The following SPIRE2 variants were observed in gnomAD, a reference collection of about 807,000 sequenced individuals.
SPIRE2 encodes the protein spire type actin nucleation factor 2.
Under a neutral mutation model 80.7 loss-of-function variants are expected in SPIRE2, and 76 were observed. The observed-to-expected ratio is 0.94, with a 90% CI of 0.78 to 1.14. The LOEUF is 1.14. Ranked by LOEUF, SPIRE2 falls within the 50% of genes most tolerant of loss-of-function variation. The probability of loss-of-function intolerance (pLI) is 0.00; values close to 1 mark genes in which losing one functional copy is unlikely to be tolerated. For synonymous variants in SPIRE2, 535 were observed against 432.6 expected, an observed-to-expected ratio of 1.24 and a Z score of -2.94; for missense variants, 1,196 against 1,015.3, an observed-to-expected ratio of 1.18 and a Z score of -2.42.
chr16:89,869,958 A>C (rs2041824870), intron 14 of SPIRE2, 92 bp from the exon 15 acceptor site: 1 of 1,150,198 alleles, frequency 8.7e-7, no homozygotes, highest in Non-Finnish European at 1.2e-6. Flanking sequence ...GGTGAAAGGC[A>C]GCCAGGAGGG....
chr16:89,838,531 CCAGGGAAGCT>C (rs1254395339), intron 1 of SPIRE2, among the ~76,000 whole-genome samples: 4 of 152,066 alleles, frequency 2.6e-5, no homozygotes, highest in Non-Finnish European at 5.9e-5. Context: ...TCAGCGGGAA[CCAGGGAAGCT>C]CAGGGAAGCA....
chr16:89,863,199 C>A lies in SPIRE2; in HGVS notation c.1576-277C>A. The A allele has an allele frequency of 2.0e-6, 1 of 490,242 alleles. No individual in the cohort carries two copies. The highest frequency in any genetic ancestry group is 3.7e-6 in the Non-Finnish European group (1 of 269,204). 30.4% of individuals were successfully genotyped at this position (490,242 alleles called of 1,614,324 possible). ...TGTTTGCAGGCAGGGACACCTTGAA[C>A]AGACATGGGCTGAGGGGAGTTTGTG... On this transcript the variant is annotated intron_variant, in intron 10 of 14. Transcript: ENST00000378247. The surrounding 1 kb of genome is among the most constrained non-coding windows in gnomAD (Gnocchi z 4.3).
intron 10 of SPIRE2, 94 bp downstream of exon 10, chr16:89,860,889 G>A: frequency 1.3e-6 from 1 of 763,990 alleles, no homozygotes; most frequent in Non-Finnish European, 2.0e-6. Flanking sequence ...ATGGGTCTGA[G>A]CACCTGTCTG....
Position 89,830,034 on chromosome 16 carries a change from T to C in SPIRE2, c.244+1240T>C, listed in dbSNP as rs183103294. ...AGGAGGAGGCTGTAGGCAGCCTGGT[T>C]CGTCTGACCCTCTGACTGTAAAGAT... On this transcript the variant is annotated intron_variant, in intron 1 of 14. Transcript: ENST00000378247. Among the ~76,000 whole-genome samples, 176 of 151,404 alleles carry C rather than the reference T, an allele frequency of 1.2e-3. 4 individuals are homozygous for C. Among genetic ancestry groups the C allele is most frequent in the African/African-American group, 3.7e-3 (155 of 41,476 alleles).
chr16:89,869,059 T>A (rs866094278), intron 13 of SPIRE2, among the ~76,000 whole-genome samples: 700 of 45,306 alleles, frequency 0.015, 23 homozygotes, highest in African/African-American at 0.054. Context: ...AAAAAATATA[T>A]ATATATATAT....
chr16:89,840,342 C>T (rs1029627324), intron 1 of SPIRE2, among the ~76,000 whole-genome samples: 6 of 151,100 alleles, frequency 4.0e-5, no homozygotes, highest in Non-Finnish European at 8.9e-5. Flanking sequence ...CTCCACCTCC[C>T]GGGTTCACAT....
intron 1 of SPIRE2, among the ~76,000 whole-genome samples, chr16:89,840,096 C>T (rs140599368): frequency 6.6e-6 from 1 of 152,098 alleles, no homozygotes; most frequent in Non-Finnish European, 1.5e-5. Context: ...GCTGACGCTC[C>T]CAAGCAGATG....
chr16:89,837,021 G>A (rs781000372), intron 1 of SPIRE2, among the ~76,000 whole-genome samples: 2 of 152,052 alleles, frequency 1.3e-5, no homozygotes, highest in African/African-American at 2.4e-5. Context: ...CTGCACCCCA[G>A]ATTCCTGTTC....
In SPIRE2 at chr16:89,860,774, C is replaced by T. The variant is rs780265170; in HGVS notation, c.1554C>T (p.Pro518=). 6 of 1,544,548 alleles carry T rather than the reference C, an allele frequency of 3.9e-6. No individual in the cohort carries two copies. Among genetic ancestry groups the T allele is most frequent in the Non-Finnish European group, 3.5e-6 (4 of 1,146,232 alleles). The change falls in exon 10 of 15, where the codon CCC becomes CCT. Residue 518 remains proline, a synonymous_variant. Coordinates refer to ENST00000378247, the MANE Select transcript of SPIRE2 (RefSeq NM_032451.2). ...SGDRPEASMT[P]DAKHLWLEFS... ...ACAGACCCGAGGCCTCCATGACCCC[C>T]GATGCCAAACACCTGTGGCTGGTGA...
At chr16:89,836,392 G>A (rs951267169) in intron 1 of SPIRE2, 3 of 381,270 alleles carry the variant, frequency 7.9e-6, no homozygotes, top group Admixed American at 6.2e-5. Flanking sequence ...ATCTGAGGGA[G>A]TGCCCACAAC....
chr16:89,843,352 G>C (rs866330989), intron 1 of SPIRE2, among the ~76,000 whole-genome samples: 5 of 152,126 alleles, frequency 3.3e-5, no homozygotes, highest in African/African-American at 4.8e-5. Flanking sequence ...GTTCGCTCCC[G>C]GGCCTCCCTC....
intron 1 of SPIRE2, among the ~76,000 whole-genome samples, chr16:89,842,356 GCA>G: frequency 6.6e-6 from 1 of 151,810 alleles, no homozygotes; most frequent in African/African-American, 2.4e-5. Flanking sequence ...GGGATTACAG[GCA>G]TGTGCCACCA....
chr16:89,868,179 T>G lies in SPIRE2; in HGVS notation c.1779-10T>G. 6.2e-7 allele frequency: 1 copy of G among 1,614,076 alleles called. No individual in the cohort carries two copies. The highest frequency in any genetic ancestry group is 8.5e-7 in the Non-Finnish European group (1 of 1,179,966). On this transcript the variant is annotated splice_polypyrimidine_tract_variant and intron_variant, in intron 12 of 14. Transcript: ENST00000378247. ...CCTGCTGATGCTGCATTTCCTCTGT[T>G]CCCTTCCAGAGCCGTCTGCACTTCC...
chr16:89,828,630 T>C lies in SPIRE2; in HGVS notation c.80T>C (p.Val27Ala). 1 of 1,342,460 alleles carries C rather than the reference T, an allele frequency of 7.4e-7. No individual in the cohort carries two copies. The highest frequency in any genetic ancestry group is 1.6e-5 in the South Asian group (1 of 61,084). The allele number at this position is 1,342,460 out of a possible 1,614,324, so 83.2% of individuals were successfully genotyped here. The change falls in exon 1 of 15, where the codon GTG (valine) becomes GCG (alanine). Residue 27 changes from valine to alanine, a missense_variant. Val to Ala is a moderately conservative substitution (Grantham distance 64, BLOSUM62 0). Transcript: ENST00000378247. This position sits in a 1 kb window ranked among gnomAD's most constrained non-coding sequence, Gnocchi z 5.9. Reference sequence around the variant, plus strand: ...CCCTGGGAGCTGTCCCTGGAGGAGGTGCTGAAGGCCTACGAGCAGCCGCTC... The same window carrying C: ...CCCTGGGAGCTGTCCCTGGAGGAGGCGCTGAAGGCCTACGAGCAGCCGCTC... ...PEPWELSLEE[V>A]LKAYEQPLNE...
intron 1 of SPIRE2, among the ~76,000 whole-genome samples, chr16:89,830,036 G>A (rs1238954104): frequency 4.6e-5 from 7 of 151,268 alleles, no homozygotes; most frequent in African/African-American, 1.5e-4. Context: ...AGCCTGGTTC[G>A]TCTGACCCTC....
chr16:89,865,718 C>T (rs1459528866), intron 12 of SPIRE2, among the ~76,000 whole-genome samples: 1 of 152,066 alleles, frequency 6.6e-6, no homozygotes, highest in African/African-American at 2.4e-5. Context: ...ACCTTGATCC[C>T]AGCACTTTGG....
At position 89,858,429 on chromosome 16, in the gene SPIRE2, C is replaced by T; in HGVS notation, c.1194C>T (p.Gly398=). ...ACCTGTCAGTCACAGATGCTGGGGG[C>T]AGCGCCCAGCGCCCGCGGCCCCGCG... ...CINLSVTDAG[G]SAQRPRPRVL... Residue 398 remains glycine (G), a synonymous_variant, in exon 8 of 15, where the codon GGC becomes GGT. Coordinates refer to ENST00000378247, the MANE Select transcript of SPIRE2 (RefSeq NM_032451.2). The T allele has an allele frequency of 6.2e-7, 1 of 1,611,802 alleles. No homozygotes were observed. The highest frequency in any genetic ancestry group is 8.5e-7 in the Non-Finnish European group (1 of 1,179,564).
intron 1 of SPIRE2, among the ~76,000 whole-genome samples, chr16:89,844,757 A>AT (rs1334767066): frequency 1.3e-5 from 2 of 152,080 alleles, no homozygotes; most frequent in Non-Finnish European, 2.9e-5. Context: ...TAATTTTAAA[A>AT]TTTTTTGTAG....
chr16:89,837,009 T>C (rs2041456594), intron 1 of SPIRE2, among the ~76,000 whole-genome samples: 1 of 151,482 alleles, frequency 6.6e-6, no homozygotes, highest in Non-Finnish European at 1.5e-5. Flanking sequence ...AAAGAAAAAA[T>C]CCTGCACCCC....
Sources: gnomAD v4.1 joint callset for allele counts (sites outside exome capture counted in the v4.1 genomes callset) on GRCh38, gnomAD v4.1.1 for gene constraint, Gnocchi (gnomAD v3.1) non-coding constraint, MANE v1.5 for transcripts, NCBI Gene and HGNC (gene_info 2026-07-23, HGNC 2026-07-21) for gene names.